ELAPOR2: variants seen among roughly 807,000 people sequenced by gnomAD.
The protein encoded by ELAPOR2 is endosome-lysosome associated apoptosis and autophagy regulator family member 2.
A neutral mutation model predicts 120.7 loss-of-function variants in ELAPOR2; 89 were observed. That is an observed-to-expected ratio of 0.74 (90% CI 0.62 to 0.88). The LOEUF is 0.88. ELAPOR2 is among the 40% of genes least tolerant of loss of function. ELAPOR2 has a pLI of 0.00. For missense variants in ELAPOR2, 1,134 were observed against 1,251.6 expected, an observed-to-expected ratio of 0.91 and a Z score of 1.42; for synonymous variants, 444 against 444.9, an observed-to-expected ratio of 1.00 and a Z score of 0.03.
intron 1 of ELAPOR2, among the ~76,000 whole-genome samples, chr7:87,032,819 A>G (rs1794463495): frequency 6.6e-6 from 1 of 152,202 alleles, no homozygotes; most frequent in Admixed American, 6.5e-5. Flanking sequence ...CTCTGCACAG[A>G]CATGCTATCA....
chr7:87,047,611 A>T (rs905017949), intron 1 of ELAPOR2, among the ~76,000 whole-genome samples: 1 of 152,246 alleles, frequency 6.6e-6, no homozygotes. Flanking sequence ...GAGAAATGCA[A>T]ATCAAAACTA....
intron 1 of ELAPOR2, among the ~76,000 whole-genome samples, chr7:87,009,986 G>A (rs1298973131): frequency 1.7e-5 from 1 of 60,326 alleles, no homozygotes; most frequent in Non-Finnish European, 3.3e-5. Context: ...AACTCATTAC[G>A]AAAGAAAGAA....
intron 1 of ELAPOR2, among the ~76,000 whole-genome samples, chr7:87,022,758 A>C (rs1794098942): frequency 6.6e-6 from 1 of 150,420 alleles, no homozygotes; most frequent in South Asian, 2.1e-4. Flanking sequence ...CTGACTTTTT[A>C]ATGATTGCCA....
chr7:87,003,349 A>G (rs1793377032), intron 1 of ELAPOR2, among the ~76,000 whole-genome samples: 1 of 152,110 alleles, frequency 6.6e-6, no homozygotes, highest in Non-Finnish European at 1.5e-5. Context: ...TATCCCCAAC[A>G]GAATCTCATG....
At chr7:86,893,208 G>A in intron 19 of ELAPOR2, 108 bp from the exon 20 acceptor site, 1 of 866,330 alleles carries the variant, frequency 1.2e-6, no homozygotes, top group Non-Finnish European at 1.7e-6. Flanking sequence ...AAAGAAGAAA[G>A]GGTTTTGCTA....
intron 1 of ELAPOR2, among the ~76,000 whole-genome samples, chr7:87,026,723 A>T (rs1794255441): frequency 6.6e-6 from 1 of 152,084 alleles, no homozygotes; most frequent in Non-Finnish European, 1.5e-5. Flanking sequence ...ACTTAGAGAT[A>T]ATGGGGTCTC....
At chr7:87,006,700 T>C (rs1276465375) in intron 1 of ELAPOR2, among the ~76,000 whole-genome samples, 2 of 152,100 alleles carry the variant, frequency 1.3e-5, no homozygotes, top group African/African-American at 2.4e-5. Flanking sequence ...CTACTCAAGA[T>C]TTTACCCAAA....
intron 1 of ELAPOR2, among the ~76,000 whole-genome samples, chr7:86,976,252 A>G (rs1234292081): frequency 6.6e-6 from 1 of 152,156 alleles, no homozygotes; most frequent in African/African-American, 2.4e-5. Context: ...TTCACTTGTC[A>G]CTTCATCCCA....
At chr7:86,913,860 C>G (rs1032598948) in intron 13 of ELAPOR2, among the ~76,000 whole-genome samples, 5 of 152,180 alleles carry the variant, frequency 3.3e-5, no homozygotes, top group African/African-American at 9.7e-5. Flanking sequence ...TGGCGTCACT[C>G]TATCGGTACA....
chr7:87,049,287 T>C (rs1795036788), intron 1 of ELAPOR2, among the ~76,000 whole-genome samples: 2 of 48,808 alleles, frequency 4.1e-5, no homozygotes, highest in Non-Finnish European at 8.2e-5. Context: ...ATTTTATTTA[T>C]TTATTTTTTT....
intron 2 of ELAPOR2, among the ~76,000 whole-genome samples, chr7:86,960,403 A>G (rs535655777): frequency 1.9e-4 from 29 of 152,114 alleles, no homozygotes; most frequent in Non-Finnish European, 3.5e-4. Flanking sequence ...GGTGCACGCC[A>G]CCACACCTGG....
intron 1 of ELAPOR2, among the ~76,000 whole-genome samples, chr7:87,035,969 A>G (rs1035781313): frequency 2.0e-4 from 30 of 152,342 alleles, no homozygotes; most frequent in South Asian, 1.0e-3. Flanking sequence ...TCAAAACCCA[A>G]GTATTATTTA....
intron 11 of ELAPOR2, among the ~76,000 whole-genome samples, 165 bp from the exon 12 acceptor site, chr7:86,918,709 C>T (rs1304945812): frequency 6.6e-6 from 1 of 152,150 alleles, no homozygotes; most frequent in African/African-American, 2.4e-5. Context: ...TACCTGTCCA[C>T]ACCCTTTGTA....
intron 11 of ELAPOR2, 100 bp downstream of exon 11, chr7:86,919,120 T>C (rs1789700934): frequency 1.4e-6 from 1 of 718,676 alleles, no homozygotes. Context: ...AGTATTTTTG[T>C]AATATTAATA....
rs189526708 is a variant in ELAPOR2 at position 86,912,289 on chromosome 7, T to C, written c.1996-44A>G. The C allele has an allele frequency of 5.2e-5, 68 of 1,311,278 alleles. No homozygotes were observed. In the African/African-American group the frequency reaches 8.9e-4, roughly 17 times the overall value. The allele number at this position is 1,311,278 out of a possible 1,614,324, so 81.2% of individuals were successfully genotyped here. A position where few individuals can be genotyped will look rare whatever the true frequency, so the allele number is the denominator to read the frequency against. Reference sequence around the variant, plus strand: ...AAACAATATAGCAGGAAAGAAAATATTAGCTGCTACTAAAATGTGTTTGAA... The same window carrying C: ...AAACAATATAGCAGGAAAGAAAATACTAGCTGCTACTAAAATGTGTTTGAA... On this transcript the variant is annotated intron_variant, in intron 14 of 21. Coordinates refer to ENST00000450689, the MANE Select transcript of ELAPOR2 (RefSeq NM_001142749.3).
Position 86,877,350 on chromosome 7 carries a change from C to A in ELAPOR2, c.*3121G>T, listed in dbSNP as rs192364022. ...TTCTAAAAGTTTACTCCTCTAAGGA[C>A]ATTTTCTTTGGGCAAACTCAGTTTA... On this transcript the variant is annotated 3_prime_UTR_variant, in exon 22 of 22. Transcript: ENST00000450689. 1.1e-4 allele frequency: 16 copies of A among 152,254 alleles called. No homozygotes were observed. In the East Asian group the frequency reaches 3.1e-3, roughly 29 times the overall value. 9.4% of individuals were successfully genotyped at this position (152,254 alleles called of 1,614,324 possible).
rs963127584 is a variant in ELAPOR2, at chr7:86,878,409, C to G, written c.*2062G>C. ...TAAAATTAGAAATAAAATAAATTCT[C>G]CAATATCAACTACATTTTCGGAGAG... On this transcript the variant is annotated 3_prime_UTR_variant, in exon 22 of 22. Transcript: ENST00000450689. 8 of 152,162 alleles carry G rather than the reference C, an allele frequency of 5.3e-5. No individual in the cohort carries two copies. Among genetic ancestry groups the G allele is most frequent in the Admixed American group, 2.0e-4 (3 of 15,272 alleles). 9.4% of individuals were successfully genotyped at this position (152,162 alleles called of 1,614,324 possible).
chr7:86,903,812 G>A (rs1788834489), intron 18 of ELAPOR2, among the ~76,000 whole-genome samples: 1 of 152,186 alleles, frequency 6.6e-6, no homozygotes, highest in South Asian at 2.1e-4. Context: ...AATATAGTCA[G>A]AAGTTGACAG....
chr7:86,986,324 G>A (rs1413930854), intron 1 of ELAPOR2, among the ~76,000 whole-genome samples: 2 of 114,656 alleles, frequency 1.7e-5, no homozygotes, highest in East Asian at 2.2e-4. Context: ...AGCTACTTGG[G>A]AGGCTGAGGC....
Sources: allele counts gnomAD v4.1 joint callset (sites outside exome capture counted in the v4.1 genomes callset), GRCh38; gene constraint gnomAD v4.1.1; transcripts MANE v1.5; gene names NCBI Gene and HGNC (gene_info 2026-07-23, HGNC 2026-07-21).